Variants in UNC5D observed in about 807,000 individuals in gnomAD.
UNC5D encodes unc-5 netrin receptor D.
In UNC5D, 39 loss-of-function variants were observed where a neutral mutation model predicts 105.4. That is an observed-to-expected ratio of 0.37 (90% CI 0.29 to 0.48). The LOEUF (loss-of-function observed/expected upper bound fraction) is 0.48, where lower values mean the gene tolerates loss of function less well. UNC5D is among the 20% of genes least tolerant of loss of function. The probability of loss-of-function intolerance (pLI) is 0.98; values close to 1 mark genes in which losing one functional copy is unlikely to be tolerated. For synonymous variants in UNC5D, 452 were observed against 450.4 expected (o/e 1.00, Z -0.04); for missense variants, 991 against 1,202.4 (o/e 0.82, Z 2.60).
intron 10 of UNC5D, among the ~76,000 whole-genome samples, chr8:35,728,958 T>C (rs1189072279): frequency 6.6e-6 from 1 of 152,206 alleles, no homozygotes; most frequent in East Asian, 1.9e-4. Context: ...ACAGTATCTC[T>C]CATTCTTCAC....
chr8:35,741,140 G>A (rs1829739257), intron 11 of UNC5D, among the ~76,000 whole-genome samples: 1 of 152,152 alleles, frequency 6.6e-6, no homozygotes, highest in Admixed American at 6.5e-5. Flanking sequence ...CTTAAATTGT[G>A]TCTAGGAACT....
At chr8:35,286,729 C>A (rs967421195) in intron 1 of UNC5D, among the ~76,000 whole-genome samples, 2 of 152,180 alleles carry the variant, frequency 1.3e-5, no homozygotes, top group Non-Finnish European at 2.9e-5. Context: ...CAAACCTTGG[C>A]GTTCTACTCT....
intron 1 of UNC5D, among the ~76,000 whole-genome samples, chr8:35,382,157 G>A (rs1803085049): frequency 6.6e-6 from 1 of 152,172 alleles, no homozygotes. Flanking sequence ...AAAGCAGTCT[G>A]GAATAACCTT....
intron 1 of UNC5D, among the ~76,000 whole-genome samples, chr8:35,475,622 T>C (rs1810034698): frequency 6.6e-6 from 1 of 152,216 alleles, no homozygotes; most frequent in Non-Finnish European, 1.5e-5. Context: ...GGGAGGTACA[T>C]GTCAACACCT....
chr8:35,576,864 C>T (rs753254425), intron 3 of UNC5D, among the ~76,000 whole-genome samples: 9 of 152,096 alleles, frequency 5.9e-5, no homozygotes, highest in South Asian at 2.1e-4. Context: ...CCTCCCGCCT[C>T]GGCCTCCCAA....
chr8:35,351,117 C>A (rs1470578784), intron 1 of UNC5D, among the ~76,000 whole-genome samples: 1 of 151,932 alleles, frequency 6.6e-6, no homozygotes, highest in African/African-American at 2.4e-5. Context: ...AAAACAGTAG[C>A]ATAAATATAC....
chr8:35,651,772 T>A (rs2131184251), intron 4 of UNC5D, among the ~76,000 whole-genome samples: 1 of 152,338 alleles, frequency 6.6e-6, no homozygotes, highest in Non-Finnish European at 1.5e-5. Flanking sequence ...CTCTTCTGGG[T>A]CTTGCTTATT....
At chr8:35,760,295 A>G (rs58342093) in intron 14 of UNC5D, among the ~76,000 whole-genome samples, 11,396 of 151,944 alleles carry the variant, frequency 0.075, 1,172 homozygotes, top group African/African-American at 0.23. Context: ...CGCCCACCTC[A>G]GCCTCCCAAA....
intron 1 of UNC5D, among the ~76,000 whole-genome samples, chr8:35,438,991 A>G (rs2128981994): frequency 6.6e-6 from 1 of 152,096 alleles, no homozygotes; most frequent in East Asian, 1.9e-4. Context: ...GGGGCCAGAA[A>G]TCTGGCCTGA....
Position 35,235,715 on chromosome 8 carries a change from C to G in UNC5D, c.-70C>G. On this transcript the variant is annotated 5_prime_UTR_variant, in exon 1 of 17. Coordinates refer to ENST00000404895, the MANE Select transcript of UNC5D (RefSeq NM_080872.4). ...CCCGAGACCCATTCGACTCGGGACC[C>G]TCATCGCCGACCCTTTCCCGGGCTC... 1 of 1,154,028 alleles carries G rather than the reference C, an allele frequency of 8.7e-7. No individual in the cohort carries two copies. Among genetic ancestry groups the G allele is most frequent in the Non-Finnish European group, 1.1e-6 (1 of 917,602 alleles). The allele number at this position is 1,154,028 out of a possible 1,614,324, so 71.5% of individuals were successfully genotyped here.
chr8:35,350,429 T>C (rs1227774831), intron 1 of UNC5D, among the ~76,000 whole-genome samples: 1 of 152,020 alleles, frequency 6.6e-6, no homozygotes, highest in Non-Finnish European at 1.5e-5. Context: ...CTTAAGTAAA[T>C]AAAAGTGCCT....
At chr8:35,356,369 C>G (rs1241857413) in intron 1 of UNC5D, among the ~76,000 whole-genome samples, 1 of 152,132 alleles carries the variant, frequency 6.6e-6, no homozygotes, top group African/African-American at 2.4e-5. Context: ...CTACAATCCC[C>G]GTTGGATGCC....
intron 1 of UNC5D, among the ~76,000 whole-genome samples, chr8:35,427,175 T>C (rs1238899016): frequency 6.6e-6 from 1 of 152,212 alleles, no homozygotes; most frequent in Non-Finnish European, 1.5e-5. Flanking sequence ...ATTATTCTGT[T>C]AGGTCTGACA....
At chr8:35,706,776 G>C (rs1291914144) in intron 8 of UNC5D, among the ~76,000 whole-genome samples, 1 of 152,176 alleles carries the variant, frequency 6.6e-6, no homozygotes, top group Non-Finnish European at 1.5e-5. Flanking sequence ...CAGAATCTCA[G>C]AGTGTGGCTG....
At chr8:35,602,543 G>C (rs566539626) in intron 4 of UNC5D, among the ~76,000 whole-genome samples, 3 of 152,040 alleles carry the variant, frequency 2.0e-5, no homozygotes, top group Non-Finnish European at 2.9e-5. Flanking sequence ...CGTATGTGTC[G>C]AGGAATTTAT....
At chr8:35,786,654 A>G (rs983766849) in intron 16 of UNC5D, among the ~76,000 whole-genome samples, 17 of 151,920 alleles carry the variant, frequency 1.1e-4, no homozygotes, top group Admixed American at 6.6e-5. Flanking sequence ...CCAAACATTT[A>G]CCTAGGATAA....
chr8:35,578,512 G>C (rs1818258557), intron 3 of UNC5D, among the ~76,000 whole-genome samples: 1 of 152,124 alleles, frequency 6.6e-6, no homozygotes, highest in South Asian at 2.1e-4. Context: ...CTTTAGATCT[G>C]CGAAAATAAA....
At chr8:35,748,398 G>A in intron 11 of UNC5D, 129 bp from the exon 12 acceptor site, 1 of 997,960 alleles carries the variant, frequency 1.0e-6, no homozygotes, top group African/African-American at 1.7e-5. Context: ...CCAGTCCTTT[G>A]TAAAAGAAAA....
chr8:35,326,169 C>T (rs1015711455), intron 1 of UNC5D, among the ~76,000 whole-genome samples: 14 of 152,204 alleles, frequency 9.2e-5, no homozygotes, highest in African/African-American at 3.4e-4. Context: ...TTATTCAGGC[C>T]TAAGCGGGCT....
Sources: allele counts gnomAD v4.1 joint callset (sites outside exome capture counted in the v4.1 genomes callset), GRCh38; gene constraint gnomAD v4.1.1; transcripts MANE v1.5; gene names NCBI Gene and HGNC (gene_info 2026-07-23, HGNC 2026-07-21).